The following EXOC4 variants were observed in gnomAD, a reference collection of about 807,000 sequenced individuals.
The protein encoded by EXOC4 is SEC8-like 1.
A neutral mutation model predicts 107.2 loss-of-function variants in EXOC4; 71 were observed. The observed-to-expected ratio is 0.66, with a 90% CI of 0.55 to 0.81. The LOEUF (loss-of-function observed/expected upper bound fraction) is 0.81. Ranked by LOEUF, EXOC4 falls within the 30% of genes least tolerant of loss-of-function variation. EXOC4 has a pLI of 0.00. For missense variants in EXOC4, 1,108 were observed against 1,189.6 expected (o/e 0.93, Z 1.01); for synonymous variants, 456 against 441.2 (o/e 1.03, Z -0.42).
intron 11 of EXOC4, among the ~76,000 whole-genome samples, chr7:133,823,842 AT>A (rs61017007): frequency 0.35 from 6,496 of 18,706 alleles, 685 homozygotes; most frequent in African/African-American, 0.38. Flanking sequence ...ATATATATAT[AT>A]TATATATATA....
chr7:133,980,885 A>G (rs1416311728), intron 14 of EXOC4, among the ~76,000 whole-genome samples: 2 of 152,264 alleles, frequency 1.3e-5, no homozygotes, highest in African/African-American at 4.8e-5. Context: ...AGACAGAAAT[A>G]TAGTCATATA....
At chr7:133,497,520 T>C (rs1431555320) in intron 9 of EXOC4, among the ~76,000 whole-genome samples, 4 of 149,676 alleles carry the variant, frequency 2.7e-5, no homozygotes, top group African/African-American at 9.9e-5. Flanking sequence ...AACCTCCACC[T>C]CCTGGGTTCA....
At chr7:134,020,654 G>C (rs1795008511) in intron 17 of EXOC4, among the ~76,000 whole-genome samples, 1 of 152,086 alleles carries the variant, frequency 6.6e-6, no homozygotes, top group Non-Finnish European at 1.5e-5. Flanking sequence ...TTTAATTGTT[G>C]CATGAATTTG....
chr7:133,468,295 A>G (rs2150836758), intron 7 of EXOC4, among the ~76,000 whole-genome samples: 1 of 152,294 alleles, frequency 6.6e-6, no homozygotes. Context: ...ATAATTGAGC[A>G]GGCATCTGCT....
At chr7:133,738,653 A>G (rs990513605) in intron 10 of EXOC4, among the ~76,000 whole-genome samples, 2 of 152,170 alleles carry the variant, frequency 1.3e-5, no homozygotes, top group African/African-American at 4.8e-5. Context: ...TGAAAACATC[A>G]TTTTTAGGGA....
At chr7:134,011,550 T>G (rs2116365901) in intron 17 of EXOC4, among the ~76,000 whole-genome samples, 1 of 152,132 alleles carries the variant, frequency 6.6e-6, no homozygotes, top group Non-Finnish European at 1.5e-5. Context: ...CTGCACAAGG[T>G]AAGGAAACAA....
intron 11 of EXOC4, among the ~76,000 whole-genome samples, chr7:133,838,765 C>A (rs1797968220): frequency 6.6e-6 from 1 of 152,134 alleles, no homozygotes; most frequent in African/African-American, 2.4e-5. Flanking sequence ...TATTTTCAGC[C>A]TTGTGGTTTA....
At chr7:134,090,457 G>C in the EXOC4 span, among the ~76,000 whole-genome samples, 1 of 152,188 alleles carries the variant, frequency 6.6e-6, no homozygotes, top group African/African-American at 2.4e-5. Flanking sequence ...AAGCACACCA[G>C]ATTTGCTACA....
chr7:133,583,711 G>A (rs3909550), intron 9 of EXOC4, among the ~76,000 whole-genome samples: 1 of 151,962 alleles, frequency 6.6e-6, no homozygotes, highest in East Asian at 1.9e-4. Context: ...ATGGGGAAAG[G>A]CCTGATTTTT....
At chr7:134,008,227 T>C (rs914928801) in intron 17 of EXOC4, among the ~76,000 whole-genome samples, 2 of 152,226 alleles carry the variant, frequency 1.3e-5, no homozygotes, top group Non-Finnish European at 2.9e-5. Context: ...CTGTGTTGTT[T>C]ATGTGACTTT....
intron 10 of EXOC4, among the ~76,000 whole-genome samples, chr7:133,663,425 T>A (rs1490531628): frequency 6.6e-6 from 1 of 152,172 alleles, no homozygotes; most frequent in African/African-American, 2.4e-5. Flanking sequence ...ATCTCCAGCC[T>A]GGACCACTTC....
At chr7:133,963,599 G>C (rs1250856888) in intron 14 of EXOC4, among the ~76,000 whole-genome samples, 3 of 152,184 alleles carry the variant, frequency 2.0e-5, no homozygotes, top group Non-Finnish European at 4.4e-5. Flanking sequence ...GGAAACACTG[G>C]TTTTACGCTT....
At chr7:133,956,725 CAG>C (rs1358504695) in intron 14 of EXOC4, among the ~76,000 whole-genome samples, 1 of 152,198 alleles carries the variant, frequency 6.6e-6, no homozygotes, top group Non-Finnish European at 1.5e-5. Flanking sequence ...ACTCACATAA[CAG>C]AACTTCAGCC....
chr7:133,929,186 C>T (rs1800120283), intron 13 of EXOC4, among the ~76,000 whole-genome samples: 1 of 151,974 alleles, frequency 6.6e-6, no homozygotes, highest in South Asian at 2.1e-4. Context: ...TCGCCTTGGC[C>T]TCCCAACGTG....
rs373789278 is a variant in EXOC4 at position 133,485,028 on chromosome 7, C to T, written c.1417+4890C>T. On this transcript the variant is annotated intron_variant, in intron 9 of 17. Coordinates refer to ENST00000253861, the MANE Select transcript of EXOC4 (RefSeq NM_021807.4). ...CTGGAAGGTGGAGGTTGCAGTGAGC[C>T]GAGATCGCGCCACTGTACTCCAACC... 2.8e-5 allele frequency among the ~76,000 whole-genome samples: 4 copies of T among 145,408 alleles called. No individual in the cohort carries two copies. The East Asian group carries it at 6.1e-4, about 22-fold the overall frequency.
chr7:133,898,889 A>G (rs1167859891), intron 12 of EXOC4, among the ~76,000 whole-genome samples: 1 of 151,656 alleles, frequency 6.6e-6, no homozygotes, highest in Non-Finnish European at 1.5e-5. Context: ...GAGGCAGGAG[A>G]ATCGCTTGAA....
chr7:133,348,487 T>G (rs1795836430), intron 5 of EXOC4, among the ~76,000 whole-genome samples: 1 of 152,232 alleles, frequency 6.6e-6, no homozygotes, highest in Non-Finnish European at 1.5e-5. Context: ...CTAATCACTC[T>G]TGTGGCAGGT....
chr7:133,408,462 GTGA>G (rs761747026), intron 7 of EXOC4, among the ~76,000 whole-genome samples: 46 of 151,526 alleles, frequency 3.0e-4, no homozygotes, highest in Non-Finnish European at 5.3e-4. Context: ...AGAGATGATG[GTGA>G]TGATGATGAT....
At chr7:133,724,014 T>C (rs1795162615) in intron 10 of EXOC4, among the ~76,000 whole-genome samples, 1 of 152,140 alleles carries the variant, frequency 6.6e-6, no homozygotes, top group African/African-American at 2.4e-5. Context: ...GTTATATATA[T>C]ATTAAAAAAA....
Sources: gnomAD v4.1 joint callset for allele counts (sites outside exome capture counted in the v4.1 genomes callset) on GRCh38, gnomAD v4.1.1 for gene constraint, MANE v1.5 for transcripts, NCBI Gene and HGNC (gene_info 2026-07-23, HGNC 2026-07-21) for gene names.